NEK1: variants seen among roughly 807,000 people sequenced by gnomAD.
The protein encoded by NEK1 is serine/threonine-protein kinase Nek1.
A neutral mutation model predicts 182.1 loss-of-function variants in NEK1; 137 were observed. The observed-to-expected ratio is 0.75, with a 90% confidence interval of 0.65 to 0.87. The LOEUF (loss-of-function observed/expected upper bound fraction) is 0.87, where lower values mean the gene tolerates loss of function less well. Among genes scored for constraint, NEK1 ranks in the 40% least tolerant of loss-of-function variants. The probability of loss-of-function intolerance (pLI) is 0.00; values close to 1 mark genes in which losing one functional copy is unlikely to be tolerated. For missense variants in NEK1, 1,391 were observed against 1,494.4 expected (o/e 0.93, Z 1.14); for synonymous variants, 513 against 492.2 (o/e 1.04, Z -0.56).
At chr4:169,439,995 C>T (rs377118276) in intron 27 of NEK1, among the ~76,000 whole-genome samples, 39 of 151,372 alleles carry the variant, frequency 2.6e-4, no homozygotes, top group African/African-American at 8.5e-4. Context: ...TACAGGCGCA[C>T]GGCACTATGC....
chr4:169,496,957 T>A (rs184271769), intron 23 of NEK1, among the ~76,000 whole-genome samples: 1 of 152,234 alleles, frequency 6.6e-6, no homozygotes, highest in Non-Finnish European at 1.5e-5. Flanking sequence ...TTCTATTGAT[T>A]GGAATAGTTT....
At chr4:169,475,275 A>G (rs1746735139) in intron 26 of NEK1, among the ~76,000 whole-genome samples, 1 of 152,170 alleles carries the variant, frequency 6.6e-6, no homozygotes, top group Non-Finnish European at 1.5e-5. Context: ...AAAAGATTAC[A>G]GAGAACACAA....
rs750290019 is a variant in NEK1, at chr4:169,433,604, G to A, written c.2826C>T (p.Ser942=). Residue 942 remains serine (S), a synonymous_variant, in exon 29 of 36, where the codon AGC becomes AGT. Transcript: ENST00000507142. ...QEPSGTNKDE[S]LPCTITDVWI... is the part of the protein sequence containing the mutation. ...ACACATCAGTAATAGTGCATGGCAA[G>A]CTCTCATCTTTGTTTGTTCCACTTG... The A allele has an allele frequency of 1.9e-6, 3 of 1,613,234 alleles. No homozygotes were observed. In the Admixed American group the frequency reaches 5.0e-5, roughly 27 times the overall value.
chr4:169,445,865 T>TATATATATATATATATATAC (rs569539235), intron 27 of NEK1, among the ~76,000 whole-genome samples: 7 of 143,276 alleles, frequency 4.9e-5, no homozygotes, highest in African/African-American at 1.7e-4. Context: ...TATATATATA[T>TATATATATATATATATATAC]ACACACACAC....
chr4:169,444,063 G>A (rs983450358), intron 27 of NEK1, among the ~76,000 whole-genome samples: 1 of 152,110 alleles, frequency 6.6e-6, no homozygotes, highest in Non-Finnish European at 1.5e-5. Context: ...ACTACATGTG[G>A]AAATAAAAGG....
At chr4:169,498,042 A>T (rs1215058307) in intron 23 of NEK1, among the ~76,000 whole-genome samples, 1 of 152,148 alleles carries the variant, frequency 6.6e-6, no homozygotes, top group Non-Finnish European at 1.5e-5. Context: ...TGGGAGTCTA[A>T]GTCTCTTTGT....
At chr4:169,396,224 G>A (rs557800526) in intron 35 of NEK1, among the ~76,000 whole-genome samples, 29 of 151,806 alleles carry the variant, frequency 1.9e-4, no homozygotes, top group African/African-American at 6.5e-4. Context: ...AAATTAGCTG[G>A]GTGTGGTGGC....
chr4:169,572,976 G>C (rs529591433), intron 12 of NEK1, among the ~76,000 whole-genome samples: 2 of 152,200 alleles, frequency 1.3e-5, no homozygotes, highest in Non-Finnish European at 2.9e-5. Flanking sequence ...GAAATATAGA[G>C]AGGTAGTTGG....
chr4:169,412,887 G>A (rs1733905406), intron 31 of NEK1, among the ~76,000 whole-genome samples: 1 of 151,590 alleles, frequency 6.6e-6, no homozygotes, highest in South Asian at 2.1e-4. Context: ...GGGGTGGTGG[G>A]GGGAGGGAGG....
chr4:169,403,871 C>CAA (rs1006165929), intron 32 of NEK1, among the ~76,000 whole-genome samples: 1 of 148,158 alleles, frequency 6.7e-6, no homozygotes, highest in Admixed American at 6.7e-5. Context: ...AAAGTTTAGA[C>CAA]AAAAAAAAAT....
chr4:169,562,134 T>C lies in NEK1; in HGVS notation c.1080+3A>G. Reference sequence around the variant, plus strand: ...TAAAATAACCAGACAGATGTCTTTATACCTCAGATATTTTCCTCCTTTCTT... The same window carrying C: ...TAAAATAACCAGACAGATGTCTTTACACCTCAGATATTTTCCTCCTTTCTT... On this transcript the variant is annotated splice_donor_region_variant and intron_variant, in intron 13 of 35. Transcript: ENST00000507142. 1 of 1,528,010 alleles carries C rather than the reference T, an allele frequency of 6.5e-7. No individual in the cohort carries two copies. The highest frequency in any genetic ancestry group is 8.9e-7 in the Non-Finnish European group (1 of 1,128,952). 94.7% of individuals were successfully genotyped at this position (1,528,010 alleles called of 1,614,324 possible).
intron 23 of NEK1, among the ~76,000 whole-genome samples, chr4:169,500,938 G>C (rs772209481): frequency 6.6e-6 from 1 of 152,148 alleles, no homozygotes; most frequent in African/African-American, 2.4e-5. Context: ...TGGCCTAAAT[G>C]CTTCACTACA....
chr4:169,408,933 G>GC (rs1733125350), intron 31 of NEK1, among the ~76,000 whole-genome samples: 5 of 152,148 alleles, frequency 3.3e-5, no homozygotes, highest in Admixed American at 2.0e-4. Flanking sequence ...CTATAAACAT[G>GC]GGTGTGTGTG....
intron 12 of NEK1, among the ~76,000 whole-genome samples, chr4:169,572,578 GT>G (rs1765045470): frequency 6.6e-6 from 1 of 152,108 alleles, no homozygotes; most frequent in African/African-American, 2.4e-5. Context: ...TAGAAAGTTC[GT>G]ATGGATACAA....
At chr4:169,571,824 G>A (rs951167666) in intron 12 of NEK1, among the ~76,000 whole-genome samples, 4 of 151,708 alleles carry the variant, frequency 2.6e-5, no homozygotes, top group Non-Finnish European at 4.4e-5. Flanking sequence ...TGCCTCTCAG[G>A]TTCAAGCAAT....
chr4:169,598,280 C>T (rs1769898119), intron 5 of NEK1, among the ~76,000 whole-genome samples: 2 of 152,054 alleles, frequency 1.3e-5, no homozygotes, highest in Non-Finnish European at 1.5e-5. Context: ...GAAGAGATAA[C>T]AAATACAACA....
At chr4:169,439,070 T>TA (rs1738945300) in intron 27 of NEK1, among the ~76,000 whole-genome samples, 2 of 152,362 alleles carry the variant, frequency 1.3e-5, no homozygotes, top group Non-Finnish European at 2.9e-5. Context: ...ACATTTTCTG[T>TA]CATCTCCATT....
At chr4:169,601,721 GCA>G (rs1770517395) in intron 4 of NEK1, among the ~76,000 whole-genome samples, 2 of 151,822 alleles carry the variant, frequency 1.3e-5, no homozygotes, top group South Asian at 4.2e-4. Context: ...AATTATACAG[GCA>G]CAGTTGGGAG....
chr4:169,421,800 G>A (rs935881454), intron 31 of NEK1, among the ~76,000 whole-genome samples: 1 of 152,130 alleles, frequency 6.6e-6, no homozygotes, highest in Non-Finnish European at 1.5e-5. Flanking sequence ...CTCTACACAA[G>A]CGTAGTTAAG....
Sources: allele counts gnomAD v4.1 joint callset (sites outside exome capture counted in the v4.1 genomes callset), GRCh38; gene constraint gnomAD v4.1.1; transcripts MANE v1.5; gene names NCBI Gene and HGNC (gene_info 2026-07-23, HGNC 2026-07-21).